Variants in PPFIA3 observed in about 807,000 individuals in gnomAD.
PPFIA3 encodes PPFI scaffold protein A3, also known as liprin-alpha-3.
Under a neutral mutation model 145.8 loss-of-function variants are expected in PPFIA3, and 26 were observed. The observed-to-expected ratio is 0.18, with a 90% confidence interval of 0.13 to 0.25. The LOEUF (loss-of-function observed/expected upper bound fraction) is 0.25, where lower values mean the gene tolerates loss of function less well. PPFIA3 is among the 10% of genes least tolerant of loss of function. PPFIA3 has a pLI of 1.00. For synonymous variants in PPFIA3, 645 were observed against 661.4 expected, an observed-to-expected ratio of 0.98 and a Z score of 0.38; for missense variants, 1,008 against 1,587.8, an observed-to-expected ratio of 0.63 and a Z score of 6.21.
In PPFIA3 at chr19:49,121,786, T is replaced by TTTTA. The variant is rs577943380; in HGVS notation, c.-16+2088_-16+2091dup. 7.4e-3 allele frequency among the ~76,000 whole-genome samples: 1,126 copies of TTTTA among 151,688 alleles called. 11 individuals are homozygous for TTTTA. Among genetic ancestry groups the TTTTA allele is most frequent in the South Asian group, 0.025 (118 of 4,798 alleles). On this transcript the variant is annotated intron_variant, in intron 1 of 29. Coordinates refer to ENST00000334186, the MANE Select transcript of PPFIA3 (RefSeq NM_003660.4). ...AGCGAAACTCTGTCTCAAAAAAAAA[T>TTTTA]TTTATTTATTTATTTATTTATTTAT...
chr19:49,143,219 C>G (rs4802570), intron 21 of PPFIA3, among the ~76,000 whole-genome samples: 98,613 of 152,074 alleles, frequency 0.65, 33,414 homozygotes, highest in African/African-American at 0.83. Flanking sequence ...TTCCCTGACT[C>G]TCTCCCTCTC....
At chr19:49,145,192 G>A (rs1328221646) in intron 21 of PPFIA3, among the ~76,000 whole-genome samples, 5 of 151,752 alleles carry the variant, frequency 3.3e-5, no homozygotes, top group African/African-American at 4.8e-5. Flanking sequence ...TCTGCCTCCC[G>A]AAGTGCTAGA....
chr19:49,132,596 T>C (rs1401460414), intron 7 of PPFIA3, among the ~76,000 whole-genome samples: 2 of 151,922 alleles, frequency 1.3e-5, no homozygotes, highest in African/African-American at 4.8e-5. Flanking sequence ...TTGAGAGGTG[T>C]TGCCTTCTAG....
At chr19:49,124,795 G>T (rs757783896) in intron 1 of PPFIA3, among the ~76,000 whole-genome samples, 3 of 152,206 alleles carry the variant, frequency 2.0e-5, no homozygotes, top group Admixed American at 1.3e-4. Context: ...GCTGGGCGCG[G>T]TGGCTCATGC....
intron 1 of PPFIA3, among the ~76,000 whole-genome samples, chr19:49,126,636 T>C (rs2041003435): frequency 6.7e-6 from 1 of 150,166 alleles, no homozygotes; most frequent in African/African-American, 2.5e-5. Flanking sequence ...TCCAGATTTC[T>C]GGGAAATTGA....
In PPFIA3 at chr19:49,149,315, G is replaced by T. The variant is rs1459383505; in HGVS notation, c.3344G>T (p.Arg1115Leu). 1 of 1,613,926 alleles carries T rather than the reference G, an allele frequency of 6.2e-7. No individual in the cohort carries two copies. The highest frequency in any genetic ancestry group is 8.5e-7 in the Non-Finnish European group (1 of 1,180,036). Residue 1115 changes from arginine to leucine, a missense_variant, in exon 27 of 30, where the codon CGG becomes CTG. Physicochemically the swap from Arg to Leu is moderately radical, Grantham distance 102 (BLOSUM62 -2). This residue lies in a region of PPFIA3 where 125 missense variants were observed against 159.3 expected (regional missense o/e 0.78). Coordinates refer to ENST00000334186, the MANE Select transcript of PPFIA3 (RefSeq NM_003660.4). The surrounding 1 kb of genome is among the most constrained non-coding windows in gnomAD (Gnocchi z 5.7). ...SNLISLGTDR[R>L]LDEDSAKSFS... ...CTTATCTCCTTAGGCACAGACAGGC[G>T]GCTGGACGAGGTGGGCGCGGCAACA...
Position 49,141,535 on chromosome 19 carries a change from CGT to C in PPFIA3, c.2462+33_2462+34del, listed in dbSNP as rs369230655. Reference sequence around the variant, plus strand: ...GGAAGTGAGTGTGTGTGAGTGTGAGCGTGTGTGTGTGTATGTGAATGTGAGAG... The same window carrying C: ...GGAAGTGAGTGTGTGTGAGTGTGAGCGTGTGTGTGTATGTGAATGTGAGAG... On this transcript the variant is annotated intron_variant, in intron 19 of 29. Transcript: ENST00000334186. 2,394 of 1,565,426 alleles carry C rather than the reference CGT, an allele frequency of 1.5e-3. 24 individuals carry two copies. The African/African-American group carries it at 0.02, about 13-fold the overall frequency.
In PPFIA3 at chr19:49,136,117, C is replaced by T. The variant is rs543031668; in HGVS notation, c.1665+194C>T. Among the ~76,000 whole-genome samples the T allele has an allele frequency of 4.9e-4, 75 of 152,308 alleles. No homozygotes were observed. The Middle Eastern group carries it at 0.017, about 35-fold the overall frequency. On this transcript the variant is annotated intron_variant, in intron 14 of 29. Coordinates refer to ENST00000334186, the MANE Select transcript of PPFIA3 (RefSeq NM_003660.4). ...ATGTCTCCTCCTGTGGATGTCCTGC[C>T]ACCTGGTGAGAACCTGAGAGTAATC...
At chr19:49,126,029 C>T (rs1330788263) in intron 1 of PPFIA3, among the ~76,000 whole-genome samples, 1 of 152,066 alleles carries the variant, frequency 6.6e-6, no homozygotes, top group Admixed American at 6.5e-5. Flanking sequence ...TGGCTCACCG[C>T]AACCTCTGCC....
chr19:49,145,592 C>CCG lies in PPFIA3; in HGVS notation c.2746-351_2746-350insCG, dbSNP rs1555745062. The CCG allele has an allele frequency of 6.5e-4, 198 of 305,544 alleles. 2 individuals carry two copies. Among genetic ancestry groups the CCG allele is most frequent in the African/African-American group, 4.0e-3 (188 of 46,532 alleles). 18.9% of individuals were successfully genotyped at this position (305,544 alleles called of 1,614,324 possible). On this transcript the variant is annotated intron_variant, in intron 21 of 29. Coordinates refer to ENST00000334186, the MANE Select transcript of PPFIA3 (RefSeq NM_003660.4). ...AAGCTCAATAAATGTGAACCCCCCC[C>CCG]GCCATACTCCCTAAACATTTGCACC...
At chr19:49,138,863 C>T (rs745451663) in intron 16 of PPFIA3, among the ~76,000 whole-genome samples, 12 of 151,448 alleles carry the variant, frequency 7.9e-5, no homozygotes, top group East Asian at 3.9e-4. Flanking sequence ...TCCAGTTACT[C>T]GGGAGGCTGA....
At position 49,148,983 on chromosome 19, in the gene PPFIA3, C is replaced by A; in HGVS notation, c.3110-10C>A. 1.2e-6 allele frequency: 2 copies of A among 1,612,430 alleles called. No individual in the cohort carries two copies. The highest frequency in any genetic ancestry group is 1.7e-6 in the Non-Finnish European group (2 of 1,179,102). ...GGAGGGGCACGGCTGAGGGTCCCTT[C>A]CGTCCCCAGACGTGATGGTGTGGTC... On this transcript the variant is annotated splice_polypyrimidine_tract_variant and intron_variant, in intron 25 of 29. Transcript: ENST00000334186.
intron 23 of PPFIA3, chr19:49,146,503 A>T: frequency 2.2e-6 from 1 of 457,408 alleles, no homozygotes; most frequent in East Asian, 3.9e-5. Context: ...CGGTGTCCCT[A>T]TAGTGGAGGG....
Position 49,140,648 on chromosome 19 carries a change from T to G in PPFIA3, c.2368+560T>G, listed in dbSNP as rs1461283050. On this transcript the variant is annotated intron_variant, in intron 18 of 29. Transcript: ENST00000334186. ...TTACAGACTCATTTACCTTTTTTTT[T>G]TTTTTTTTTTTTTTTTTTTGTTTGG... Among the ~76,000 whole-genome samples the G allele has an allele frequency of 1.2e-3, 152 of 125,126 alleles. 1 individual carries two copies. Among genetic ancestry groups the G allele is most frequent in the African/African-American group, 4.9e-3 (148 of 30,278 alleles). 82.1% of individuals were successfully genotyped at this position (125,126 alleles called of 152,430 possible).
chr19:49,141,641 C>T lies in PPFIA3; in HGVS notation c.2462+128C>T, dbSNP rs1305715206. On this transcript the variant is annotated intron_variant, in intron 19 of 29. Coordinates refer to ENST00000334186, the MANE Select transcript of PPFIA3 (RefSeq NM_003660.4). ...GAGAGGGTGTGTGAGTGTGTGTGTG[C>T]AGCGGTGGTGGTGGTGAACAGAAAT... 18 of 652,648 alleles carry T rather than the reference C, an allele frequency of 2.8e-5. 1 individual carries two copies. The highest frequency in any genetic ancestry group is 1.0e-4 in the South Asian group (4 of 38,116). 40.4% of individuals were successfully genotyped at this position (652,648 alleles called of 1,614,324 possible).
rs2041101500 is a variant in PPFIA3 at position 49,133,577 on chromosome 19, T to C, written c.1161+206T>C. Among the ~76,000 whole-genome samples the C allele has an allele frequency of 6.6e-6, 1 of 152,012 alleles. No individual in the cohort carries two copies. Among genetic ancestry groups the C allele is most frequent in the Non-Finnish European group, 1.5e-5 (1 of 67,990 alleles). ...GGGGACGGATGGGAGCGGGGTTCTC[T>C]AGCCTGGACTGAAAGGACCGGTGGC... On this transcript the variant is annotated intron_variant, in intron 9 of 29. Transcript: ENST00000334186. This position sits in a 1 kb window ranked among gnomAD's most constrained non-coding sequence, Gnocchi z 7.2.
intron 1 of PPFIA3, among the ~76,000 whole-genome samples, chr19:49,122,667 G>A (rs928398980): frequency 2.0e-5 from 3 of 149,800 alleles, no homozygotes; most frequent in Non-Finnish European, 4.4e-5. Context: ...TTCTAAGGAA[G>A]TTCTATCTAA....
At chr19:49,146,324 TTGG>T (rs2041280265) in intron 23 of PPFIA3, 132 bp downstream of exon 23, 1 of 1,200,998 alleles carries the variant, frequency 8.3e-7, no homozygotes, top group Non-Finnish European at 1.2e-6. Context: ...TGCGCCAAGC[TTGG>T]CTCTGGACTG....
At chr19:49,141,285 C>A in intron 18 of PPFIA3, 135 bp from the exon 19 acceptor site, 1 of 625,662 alleles carries the variant, frequency 1.6e-6, no homozygotes, top group Non-Finnish European at 2.9e-6. Context: ...CTGCCTTTAT[C>A]ACTTCCTCGA....
Sources: gnomAD v4.1 joint callset for allele counts (sites outside exome capture counted in the v4.1 genomes callset) on GRCh38, gnomAD v4.1.1 for gene constraint, gnomAD v4.1.1 regional missense constraint, Gnocchi (gnomAD v3.1) non-coding constraint, MANE v1.5 for transcripts, NCBI Gene and HGNC (gene_info 2026-07-23, HGNC 2026-07-21) for gene names.